Variants in XIRP2 observed in about 807,000 individuals in gnomAD.
The protein encoded by XIRP2 is xin actin-binding repeat-containing protein 2.
A neutral mutation model predicts 277.0 loss-of-function variants in XIRP2; 236 were observed. The observed-to-expected ratio is 0.85, with a 90% confidence interval of 0.77 to 0.95. XIRP2 has a LOEUF of 0.95. XIRP2 is among the 40% of genes least tolerant of loss of function. XIRP2 has a pLI of 0.00. For missense variants in XIRP2, 4,640 were observed against 4,157.5 expected, an observed-to-expected ratio of 1.12 and a Z score of -3.19; for synonymous variants, 1,490 against 1,416.5, an observed-to-expected ratio of 1.05 and a Z score of -1.17.
Position 167,248,108 on chromosome 2 carries a change from A to G in XIRP2, c.6716A>G (p.Asn2239Ser). 6.2e-7 allele frequency: 1 copy of G among 1,613,318 alleles called. No homozygotes were observed. The highest frequency in any genetic ancestry group is 8.5e-7 in the Non-Finnish European group (1 of 1,179,738). The change falls in exon 9 of 11, where the codon AAC (asparagine) becomes AGC (serine). Residue 2239 changes from asparagine (N) to serine (S), a missense_variant. Transcript: ENST00000409195. ...EKSHNTFKAT[N>S]KKRETDVHLK... ...AGTCACAATACATTTAAGGCAACCA[A>G]CAAAAAGCGGGAGACTGATGTTCAC...
At chr2:167,034,462 A>G (rs918784051) in intron 2 of XIRP2, among the ~76,000 whole-genome samples, 1 of 152,114 alleles carries the variant, frequency 6.6e-6, no homozygotes, top group Non-Finnish European at 1.5e-5. Flanking sequence ...TAGATGGACT[A>G]AACACTCCAA....
intron 4 of XIRP2, among the ~76,000 whole-genome samples, chr2:167,211,110 T>C (rs541656256): frequency 6.6e-6 from 1 of 152,330 alleles, no homozygotes; most frequent in East Asian, 1.9e-4. Context: ...TTTATTTATT[T>C]TTTATTTTTT....
intron 2 of XIRP2, among the ~76,000 whole-genome samples, chr2:166,958,226 T>C (rs1288673258): frequency 6.6e-6 from 1 of 151,758 alleles, no homozygotes; most frequent in Admixed American, 6.6e-5. Context: ...TGCCCAACAG[T>C]TGTGGGGGAT....
chr2:167,000,595 T>C (rs962518069), intron 2 of XIRP2, among the ~76,000 whole-genome samples: 5 of 152,020 alleles, frequency 3.3e-5, no homozygotes, highest in African/African-American at 1.2e-4. Flanking sequence ...TCTTTTGTTA[T>C]GTTTGTGGCC....
intron 3 of XIRP2, among the ~76,000 whole-genome samples, chr2:167,173,894 G>C (rs1473261667): frequency 6.6e-6 from 1 of 152,046 alleles, no homozygotes; most frequent in Non-Finnish European, 1.5e-5. Flanking sequence ...TCATATGCCT[G>C]TTTGCCATTT....
rs1336387179 is a variant in XIRP2, at chr2:167,247,126, A to G, written c.5734A>G (p.Ile1912Val). 1 of 1,613,590 alleles carries G rather than the reference A, an allele frequency of 6.2e-7. No homozygotes were observed. ...LEKATNTKTE[I>V]LKKELLKDDL... ...AAAAGCTACAAATACAAAGACAGAA[A>G]TTCTGAAAAAGGAGCTTCTCAAAGA... is the stretch of plus-strand genomic sequence containing the variant. The change falls in exon 9 of 11, where the codon ATT becomes GTT. Residue 1912 changes from isoleucine (I) to valine (V), a missense_variant. Ile to Val is a conservative substitution (Grantham distance 29, BLOSUM62 3). Coordinates refer to ENST00000409195, the MANE Select transcript of XIRP2 (RefSeq NM_152381.6).
Position 167,101,607 on chromosome 2 carries a change from A to G in XIRP2, c.409-34302A>G, listed in dbSNP as rs376878773. On this transcript the variant is annotated intron_variant, in intron 2 of 10. Transcript: ENST00000409195. ...ATTCCTGAGTTACTTCACTTCGCAT[A>G]ATGGTCTCCAATTCCATCCAGGTTG... Among the ~76,000 whole-genome samples the G allele has an allele frequency of 8.5e-5, 13 of 152,176 alleles. No individual in the cohort carries two copies. In the East Asian group the frequency reaches 2.5e-3, roughly 29 times the overall value.
intron 2 of XIRP2, among the ~76,000 whole-genome samples, chr2:167,118,472 ACT>A (rs1280983993): frequency 7.1e-6 from 1 of 140,726 alleles, no homozygotes; most frequent in Non-Finnish European, 1.5e-5. Flanking sequence ...ACACAGCAAG[ACT>A]CTGTCTCGAT....
intron 2 of XIRP2, among the ~76,000 whole-genome samples, chr2:166,906,851 C>T (rs1265154964): frequency 6.6e-6 from 1 of 152,080 alleles, no homozygotes; most frequent in Non-Finnish European, 1.5e-5. Context: ...CCCTTGATCC[C>T]ATGAGCAAGG....
intron 4 of XIRP2, among the ~76,000 whole-genome samples, chr2:167,216,147 A>G (rs1274705939): frequency 1.7e-5 from 2 of 115,424 alleles, no homozygotes; most frequent in African/African-American, 6.9e-5. Context: ...TGGATTAAAG[A>G]TTTAAACGTT....
At chr2:166,998,842 C>G (rs1574147443) in intron 2 of XIRP2, among the ~76,000 whole-genome samples, 4 of 152,098 alleles carry the variant, frequency 2.6e-5, no homozygotes, top group Admixed American at 2.6e-4. Context: ...TTGGTGGATC[C>G]CTGAACCACC....
intron 2 of XIRP2, among the ~76,000 whole-genome samples, chr2:167,015,421 T>TCTAC (rs1314122199): frequency 2.3e-5 from 3 of 128,690 alleles, no homozygotes; most frequent in African/African-American, 9.0e-5. Context: ...CTGTCTTTTA[T>TCTAC]CTATCTATCT....
rs1041922730 is a variant in XIRP2, at chr2:167,029,967, C to A, written c.409-105942C>A. 2.0e-5 allele frequency among the ~76,000 whole-genome samples: 3 copies of A among 152,070 alleles called. No homozygotes were observed. The East Asian group carries it at 5.8e-4, about 29-fold the overall frequency. On this transcript the variant is annotated intron_variant, in intron 2 of 10. Coordinates refer to ENST00000409195, the MANE Select transcript of XIRP2 (RefSeq NM_152381.6). ...AGTGTGTATGTGTCCAGGAATTTAT[C>A]TTTTTCTTATAGATTTTTCTAGTTT...
At chr2:166,916,016 T>C (rs539531097) in intron 2 of XIRP2, among the ~76,000 whole-genome samples, 132 of 152,172 alleles carry the variant, frequency 8.7e-4, no homozygotes, top group Non-Finnish European at 1.5e-3. Context: ...AGAAAAATGC[T>C]AAGGGACCAT....
In XIRP2 at chr2:167,084,669, G is replaced by A. The variant is rs1356342478; in HGVS notation, c.409-51240G>A. Among the ~76,000 whole-genome samples the A allele has an allele frequency of 3.9e-4, 59 of 152,076 alleles. 2 individuals are homozygous for A. The East Asian group carries it at 0.011, about 29-fold the overall frequency. ...TCAACTTCTTCCTGGTTTAGTCTTGGGAGAGTGTATGTGTTGAGGAATTTA... is the reference window on the plus strand; with the variant it reads ...TCAACTTCTTCCTGGTTTAGTCTTGAGAGAGTGTATGTGTTGAGGAATTTA... On this transcript the variant is annotated intron_variant, in intron 2 of 10. Coordinates refer to ENST00000409195, the MANE Select transcript of XIRP2 (RefSeq NM_152381.6).
intron 2 of XIRP2, among the ~76,000 whole-genome samples, chr2:167,021,505 C>T (rs1292597604): frequency 6.6e-6 from 1 of 152,002 alleles, no homozygotes; most frequent in Non-Finnish European, 1.5e-5. Flanking sequence ...AGGTCAATTA[C>T]CTTTTTTAAA....
At chr2:167,033,337 T>C (rs949209419) in intron 2 of XIRP2, among the ~76,000 whole-genome samples, 2 of 151,966 alleles carry the variant, frequency 1.3e-5, no homozygotes, top group African/African-American at 4.8e-5. Context: ...ATACCTAATG[T>C]AGATGAGGGG....
intron 2 of XIRP2, among the ~76,000 whole-genome samples, chr2:167,055,890 AATGTTAT>A (rs1259486377): frequency 2.0e-5 from 3 of 152,188 alleles, no homozygotes; most frequent in Non-Finnish European, 4.4e-5. Context: ...CCTAGGATTC[AATGTTAT>A]ATAAAATGCA....
At chr2:167,049,184 C>A (rs891716601) in intron 2 of XIRP2, among the ~76,000 whole-genome samples, 1 of 151,156 alleles carries the variant, frequency 6.6e-6, no homozygotes, top group East Asian at 1.9e-4. Context: ...GTTCAAAAAG[C>A]CTTTTTTTTT....
Sources: allele counts gnomAD v4.1 joint callset (sites outside exome capture counted in the v4.1 genomes callset), GRCh38; gene constraint gnomAD v4.1.1; transcripts MANE v1.5; gene names NCBI Gene and HGNC (gene_info 2026-07-23, HGNC 2026-07-21).